The following KLF4 variants were observed in gnomAD, a reference collection of about 807,000 sequenced individuals.
KLF4 encodes the protein KLF transcription factor 4.
Under a neutral mutation model 38.0 loss-of-function variants are expected in KLF4, and 14 were observed. The observed-to-expected ratio is 0.37, with a 90% CI of 0.24 to 0.58. KLF4 has a LOEUF of 0.58. KLF4 is among the 20% of genes least tolerant of loss of function. KLF4 has a pLI of 0.76. For synonymous variants in KLF4, 398 were observed against 302.5 expected (o/e 1.32, Z -3.28); for missense variants, 737 against 670.1 (o/e 1.10, Z -1.10).
intron 4 of KLF4, 131 bp downstream of exon 4, chr9:107,486,897 G>T: frequency 6.4e-7 from 1 of 1,554,564 alleles, no homozygotes; most frequent in South Asian, 1.2e-5. Context: ...AGGAGGCACT[G>T]AGGAGTGTCC....
In KLF4 at chr9:107,488,673, C is replaced by G. The variant is rs946784592; in HGVS notation, c.126+257G>C. On this transcript the variant is annotated intron_variant, in intron 2 of 4. Transcript: ENST00000374672. The surrounding 1 kb of genome is among the most constrained non-coding windows in gnomAD (Gnocchi z 5.7). Reference sequence around the variant, plus strand: ...CACCTCCCGCCCGGTGGCCCGAGAGCGCCCGCCCTACCGACAGCGCGCCCG... The same window carrying G: ...CACCTCCCGCCCGGTGGCCCGAGAGGGCCCGCCCTACCGACAGCGCGCCCG... Among the ~76,000 whole-genome samples, 1 of 152,142 alleles carries G rather than the reference C, an allele frequency of 6.6e-6. No individual in the cohort carries two copies. The highest frequency in any genetic ancestry group is 1.5e-5 in the Non-Finnish European group (1 of 68,018).
chr9:107,489,244 A>T lies in KLF4; in HGVS notation c.-72T>A. 1 of 1,430,374 alleles carries T rather than the reference A, an allele frequency of 7.0e-7. No individual in the cohort carries two copies. The highest frequency in any genetic ancestry group is 9.2e-7 in the Non-Finnish European group (1 of 1,089,098). 88.6% of individuals were successfully genotyped at this position (1,430,374 alleles called of 1,614,324 possible). On this transcript the variant is annotated 5_prime_UTR_variant, in exon 1 of 5. Transcript: ENST00000374672. ...CACCTGAACCCCAAAGTCAACGAAG[A>T]GAAGAAACGAAGCCAAAACCCAAAA...
rs1829141374 is a variant in KLF4 at position 107,488,976 on chromosome 9, G to A, written c.80C>T (p.Pro27Leu). Residue 27 changes from proline to leucine, a missense_variant, in exon 2 of 5, where the codon CCG becomes CTG. By Grantham distance (98) the Pro-to-Leu change is moderately conservative (BLOSUM62 -3). This residue lies in a region of KLF4 where 695 missense variants were observed against 554.5 expected (regional missense o/e 1.25). Transcript: ENST00000374672. This position sits in a 1 kb window ranked among gnomAD's most constrained non-coding sequence, Gnocchi z 5.7. ...LPSFSTFASG[P>L]AGREKTLRQA... is the part of the protein sequence containing the mutation. The stretch of plus-strand genomic sequence containing the variant: ...ACGCAGTGTCTTCTCCCTTCCCGCC[G>A]GGCCAGACGCGAACGTGGAGAAAGA... The A allele has an allele frequency of 2.5e-6, 4 of 1,569,352 alleles. No individual in the cohort carries two copies. Among genetic ancestry groups the A allele is most frequent in the African/African-American group, 1.4e-5 (1 of 73,952 alleles).
chr9:107,487,747 T>G lies in KLF4; in HGVS notation c.647A>C (p.Gln216Pro). ...PELDPVYIPP[Q>P]QPQPPGGGLM... ...CCCGCCACCTGGCGGCTGCGGCTGCTGCGGCGGAATGTACACCGGGTCCAA... is the reference window on the plus strand; with the variant it reads ...CCCGCCACCTGGCGGCTGCGGCTGCGGCGGCGGAATGTACACCGGGTCCAA... Residue 216 changes from glutamine (Q) to proline (P), a missense_variant, in exon 3 of 5, where the codon CAG becomes CCG. Gln to Pro is a moderately conservative substitution (Grantham distance 76). Around this residue, in one of 2 missense-constraint regions of KLF4, gnomAD observed 695 missense variants for 554.5 expected, o/e 1.25. Transcript: ENST00000374672. This position sits in a 1 kb window ranked among gnomAD's most constrained non-coding sequence, Gnocchi z 6.1. The G allele has an allele frequency of 6.3e-7, 1 of 1,575,378 alleles. No homozygotes were observed. Among genetic ancestry groups the G allele is most frequent in the Non-Finnish European group, 8.6e-7 (1 of 1,161,040 alleles).
rs1197503968 is a variant in KLF4, at chr9:107,489,182, G to A, written c.-10C>T. 2.0e-6 allele frequency: 3 copies of A among 1,505,484 alleles called. No individual in the cohort carries two copies. The highest frequency in any genetic ancestry group is 2.5e-5 in the East Asian group (1 of 40,338). The allele number at this position is 1,505,484 out of a possible 1,614,324, so 93.3% of individuals were successfully genotyped here. ...GCCTCACCTACCTCATTAATGTGGG[G>A]GCCCAGAAGGTCCTCGGCAGCCCGA... On this transcript the variant is annotated 5_prime_UTR_variant, in exon 1 of 5. Transcript: ENST00000374672.
At position 107,485,808 on chromosome 9, in the gene KLF4, G is replaced by A. The variant is rs545779827; in HGVS notation, c.1383C>T (p.Cys461=). Residue 461 remains cysteine, a synonymous_variant, in exon 5 of 5, where the codon TGC becomes TGT. Transcript: ENST00000374672. This position sits in a 1 kb window ranked among gnomAD's most constrained non-coding sequence, Gnocchi z 4.9. ...TGHRPFQCQK[C]DRAFSRSDHL... is the part of the protein sequence containing the mutation. ...GGTCCGACCTGGAAAATGCTCGGTC[G>A]CATTTTTGGCACTGGAACGGGCGGT... 49 of 1,607,540 alleles carry A rather than the reference G, an allele frequency of 3.0e-5. No homozygotes were observed. In the African/African-American group the frequency reaches 3.6e-4, roughly 12 times the overall value.
Position 107,488,941 on chromosome 9 carries a change from C to T in KLF4, c.115G>A (p.Ala39Thr), listed in dbSNP as rs756574707. ...GREKTLRQAG[A>T]PNNRWREELS... is the part of the protein sequence containing the mutation. ...GGAGCGATACTCACGTTATTCGGGG[C>T]ACCTGCTTGACGCAGTGTCTTCTCC... The change falls in exon 2 of 5, where the codon GCC becomes ACC. Residue 39 changes from alanine (A) to threonine (T), a missense_variant. By Grantham distance (58) the Ala-to-Thr change is moderately conservative (BLOSUM62 0). Coordinates refer to ENST00000374672, the MANE Select transcript of KLF4 (RefSeq NM_004235.6). The surrounding 1 kb of genome is among the most constrained non-coding windows in gnomAD (Gnocchi z 5.7). 7 of 1,556,742 alleles carry T rather than the reference C, an allele frequency of 4.5e-6. No individual in the cohort carries two copies. The highest frequency in any genetic ancestry group is 6.1e-6 in the Non-Finnish European group (7 of 1,149,940).
chr9:107,489,046 G>A lies in KLF4; in HGVS notation c.10C>T (p.Pro4Ser), dbSNP rs1190998586. The change falls in exon 2 of 5, where the codon CCA (proline) becomes TCA (serine). Residue 4 changes from proline (P) to serine (S), a missense_variant. This residue lies in a region of KLF4 where 695 missense variants were observed against 554.5 expected (regional missense o/e 1.25). Transcript: ENST00000374672. Reference protein sequence around the residue: MRQPPGESDMAVSD... With the variant: MRQSPGESDMAVSD... ...ACAGCCATGTCAGACTCGCCAGGTG[G>A]CTGCCTGCGAGCAAGGCAGGGAGCG... The A allele has an allele frequency of 1.9e-6, 3 of 1,555,172 alleles. No individual in the cohort carries two copies. The highest frequency in any genetic ancestry group is 1.9e-5 in the Admixed American group (1 of 51,436).
chr9:107,487,163 C>T lies in KLF4; in HGVS notation c.1129G>A (p.Glu377Lys). The change falls in exon 4 of 5, where the codon GAG becomes AAG. Residue 377 changes from glutamate to lysine, a missense_variant. Around this residue, in one of 2 missense-constraint regions of KLF4, gnomAD observed 695 missense variants for 554.5 expected, o/e 1.25. Transcript: ENST00000374672. This position sits in a 1 kb window ranked among gnomAD's most constrained non-coding sequence, Gnocchi z 6.1. ...ELMPPGSCMP[E>K]EPKPKRGRRS... ...CTTCCCCTCTTTGGCTTGGGCTCCT[C>T]TGGCATGCAGGAACCGGGTGGCATG... The T allele has an allele frequency of 6.2e-7, 1 of 1,614,212 alleles. No homozygotes were observed. Among genetic ancestry groups the T allele is most frequent in the Non-Finnish European group, 8.5e-7 (1 of 1,180,042 alleles).
chr9:107,489,694 G>A lies in KLF4; in HGVS notation c.-522C>T. 1 of 205,162 alleles carries A rather than the reference G, an allele frequency of 4.9e-6. No individual in the cohort carries two copies. 12.7% of individuals were successfully genotyped at this position (205,162 alleles called of 1,614,324 possible). The stretch of plus-strand genomic sequence containing the variant: ...GGAGGGTCACTCGGCGGCTCCCGGT[G>A]CCGCCGCCGCCCGCCACCGCCTCTG... On this transcript the variant is annotated 5_prime_UTR_variant, in exon 1 of 5. Coordinates refer to ENST00000374672, the MANE Select transcript of KLF4 (RefSeq NM_004235.6).
Position 107,488,984 on chromosome 9 carries a change from C to A in KLF4, c.72G>T (p.Ala24=). The change falls in exon 2 of 5, where the codon GCG becomes GCT. Residue 24 remains alanine (A), a synonymous_variant. Coordinates refer to ENST00000374672, the MANE Select transcript of KLF4 (RefSeq NM_004235.6). This position sits in a 1 kb window ranked among gnomAD's most constrained non-coding sequence, Gnocchi z 5.7. ...TCTTCTCCCTTCCCGCCGGGCCAGA[C>A]GCGAACGTGGAGAAAGATGGGAGCA... ...DALLPSFSTF[A]SGPAGREKTL... is the part of the protein sequence containing the mutation. 6.4e-7 allele frequency: 1 copy of A among 1,569,788 alleles called. No individual in the cohort carries two copies.
In KLF4 at chr9:107,488,016, C is replaced by G. The variant is rs776584528; in HGVS notation, c.378G>C (p.Ser126=). ...ACGACGAAGAGGAGGCTGACGCTGA[C>G]GAGGACACGGTGGCGGCCACTGACT... ...PPESVAATVS[S]SASASSSSSP... is the part of the protein sequence containing the mutation. Residue 126 remains serine, a synonymous_variant, in exon 3 of 5, where the codon TCG becomes TCC. Transcript: ENST00000374672. The surrounding 1 kb of genome is among the most constrained non-coding windows in gnomAD (Gnocchi z 5.7). The G allele has an allele frequency of 1.2e-6, 2 of 1,607,046 alleles. No homozygotes were observed. Among genetic ancestry groups the G allele is most frequent in the Non-Finnish European group, 1.7e-6 (2 of 1,177,454 alleles).
At position 107,487,312 on chromosome 9, in the gene KLF4, G is replaced by C; in HGVS notation, c.1082C>G (p.Pro361Arg). 6.4e-7 allele frequency: 1 copy of C among 1,572,782 alleles called. No homozygotes were observed. The highest frequency in any genetic ancestry group is 8.6e-7 in the Non-Finnish European group (1 of 1,159,040). ...FLPDQMQPQV[P>R]PLHYQELMPP... Reference sequence around the variant, plus strand: ...GGACTGACCTTGGTAATGGAGCGGCGGGACTTGCGGCTGCATCTGATCGGG... The same window carrying C: ...GGACTGACCTTGGTAATGGAGCGGCCGGACTTGCGGCTGCATCTGATCGGG... The change falls in exon 3 of 5, where the codon CCG (proline) becomes CGG (arginine). Residue 361 changes from proline (P) to arginine (R), a missense_variant. By Grantham distance (103) the Pro-to-Arg change is moderately radical. Coordinates refer to ENST00000374672, the MANE Select transcript of KLF4 (RefSeq NM_004235.6). This position sits in a 1 kb window ranked among gnomAD's most constrained non-coding sequence, Gnocchi z 6.1.
Position 107,489,693 on chromosome 9 carries a change from T to TGCC in KLF4, c.-524_-522dup, listed in dbSNP as rs1829161480. ...GGGAGGGTCACTCGGCGGCTCCCGGTGCCGCCGCCGCCCGCCACCGCCTCT... is the reference window on the plus strand; with the variant it reads ...GGGAGGGTCACTCGGCGGCTCCCGGTGCCGCCGCCGCCGCCCGCCACCGCCTCT... On this transcript the variant is annotated 5_prime_UTR_variant, in exon 1 of 5. Transcript: ENST00000374672. The TGCC allele has an allele frequency of 5.3e-6, 1 of 188,834 alleles. No individual in the cohort carries two copies. The highest frequency in any genetic ancestry group is 1.1e-5 in the Non-Finnish European group (1 of 90,278). 11.7% of individuals were successfully genotyped at this position (188,834 alleles called of 1,614,324 possible). A position where few individuals can be genotyped will look rare whatever the true frequency, so the allele number is the denominator to read the frequency against.
At position 107,485,596 on chromosome 9, in the gene KLF4, C is replaced by T; in HGVS notation, c.*155G>A. On this transcript the variant is annotated 3_prime_UTR_variant, in exon 5 of 5. Coordinates refer to ENST00000374672, the MANE Select transcript of KLF4 (RefSeq NM_004235.6). The surrounding 1 kb of genome is among the most constrained non-coding windows in gnomAD (Gnocchi z 4.9). ...TTTGTCTTTTGGATTCCTCATTTTT[C>T]CTGATTATCCACTCACAAGATGACT... 1.5e-6 allele frequency: 1 copy of T among 676,544 alleles called. No homozygotes were observed. The allele number at this position is 676,544 out of a possible 1,614,324, so 41.9% of individuals were successfully genotyped here.
In KLF4 at chr9:107,488,859, A is replaced by T. The variant is rs760479599; in HGVS notation, c.126+71T>A. On this transcript the variant is annotated intron_variant, in intron 2 of 4. Coordinates refer to ENST00000374672, the MANE Select transcript of KLF4 (RefSeq NM_004235.6). The surrounding 1 kb of genome is among the most constrained non-coding windows in gnomAD (Gnocchi z 5.7). ...CGTTCAGTGGCTCTTGGTGACCCCAAGGCTCCGCCCGCCCCCACCACACCC... is the reference window on the plus strand; with the variant it reads ...CGTTCAGTGGCTCTTGGTGACCCCATGGCTCCGCCCGCCCCCACCACACCC... 6.6e-7 allele frequency: 1 copy of T among 1,515,348 alleles called. No individual in the cohort carries two copies. The highest frequency in any genetic ancestry group is 1.4e-5 in the African/African-American group (1 of 72,474). The allele number at this position is 1,515,348 out of a possible 1,614,324, so 93.9% of individuals were successfully genotyped here.
rs1564294370 is a variant in KLF4, at chr9:107,487,512, G to C, written c.882C>G (p.Leu294=). The C allele has an allele frequency of 6.5e-7, 1 of 1,549,216 alleles. No homozygotes were observed. The highest frequency in any genetic ancestry group is 8.7e-7 in the Non-Finnish European group (1 of 1,148,980). Residue 294 remains leucine, a synonymous_variant, in exon 3 of 5, where the codon CTC becomes CTG. Transcript: ENST00000374672. The surrounding 1 kb of genome is among the most constrained non-coding windows in gnomAD (Gnocchi z 6.1). ...GTGCAGCCGGCCGGTGGCCATTGCT[G>C]AGAGGGGGTCCAGCGCCCAAGTGGG... ...SCTHLGAGPP[L]SNGHRPAAHD...
At chr9:107,486,081 A>G (rs1231108608) in intron 4 of KLF4, among the ~76,000 whole-genome samples, 155 bp from the exon 5 acceptor site, 2 of 152,204 alleles carry the variant, frequency 1.3e-5, no homozygotes, top group African/African-American at 2.4e-5. Flanking sequence ...ATTGAATTCC[A>G]TATCATAAAC....
In KLF4 at chr9:107,485,437, G is replaced by T; in HGVS notation, c.*314C>A. 1 of 299,356 alleles carries T rather than the reference G, an allele frequency of 3.3e-6. No individual in the cohort carries two copies. The highest frequency in any genetic ancestry group is 6.1e-6 in the Non-Finnish European group (1 of 163,316). 18.5% of individuals were successfully genotyped at this position (299,356 alleles called of 1,614,324 possible). A position where few individuals can be genotyped will look rare whatever the true frequency, so the allele number is the denominator to read the frequency against. ...TCTGGTCTTCCCTCCCCCAACTCAC[G>T]GATATAATTTATACCCTGATATCCA... On this transcript the variant is annotated 3_prime_UTR_variant, in exon 5 of 5. Coordinates refer to ENST00000374672, the MANE Select transcript of KLF4 (RefSeq NM_004235.6). The surrounding 1 kb of genome is among the most constrained non-coding windows in gnomAD (Gnocchi z 4.9).
Sources: gnomAD v4.1 joint callset for allele counts (sites outside exome capture counted in the v4.1 genomes callset) on GRCh38, gnomAD v4.1.1 for gene constraint, gnomAD v4.1.1 regional missense constraint, Gnocchi (gnomAD v3.1) non-coding constraint, MANE v1.5 for transcripts, NCBI Gene and HGNC (gene_info 2026-07-23, HGNC 2026-07-21) for gene names.